The following CNTNAP2 variants were observed in gnomAD, a reference collection of about 807,000 sequenced individuals.
CNTNAP2 encodes contactin-associated protein-like 2.
Under a neutral mutation model 155.2 loss-of-function variants are expected in CNTNAP2, and 98 were observed. That is an observed-to-expected ratio of 0.63 (90% CI 0.54 to 0.75). The LOEUF (loss-of-function observed/expected upper bound fraction) is 0.75, where lower values mean the gene tolerates loss of function less well. Among genes scored for constraint, CNTNAP2 ranks in the 30% least tolerant of loss-of-function variants. CNTNAP2 has a pLI of 0.00. For synonymous variants in CNTNAP2, 651 were observed against 631.2 expected (o/e 1.03, Z -0.47); for missense variants, 1,727 against 1,688.1 (o/e 1.02, Z -0.40).
intron 1 of CNTNAP2, among the ~76,000 whole-genome samples, chr7:146,611,505 G>T (rs917508595): frequency 2.0e-5 from 3 of 152,084 alleles, no homozygotes; most frequent in Non-Finnish European, 4.4e-5. Context: ...TATAAAATTT[G>T]CTGCCTTTTC....
At chr7:147,346,148 A>ATT (rs1190332134) in intron 9 of CNTNAP2, among the ~76,000 whole-genome samples, 13 of 21,886 alleles carry the variant, frequency 5.9e-4, no homozygotes, top group African/African-American at 4.3e-3. Context: ...ATTTTATTTT[A>ATT]TTTTATTTTT....
intron 20 of CNTNAP2, among the ~76,000 whole-genome samples, chr7:148,262,546 C>G (rs895307860): frequency 6.6e-6 from 1 of 152,096 alleles, no homozygotes; most frequent in African/African-American, 2.4e-5. Flanking sequence ...CTAAGAGTCT[C>G]CTGCGTTCCT....
intron 8 of CNTNAP2, among the ~76,000 whole-genome samples, chr7:147,136,834 C>G (rs147194186): frequency 1.7e-4 from 26 of 151,920 alleles, no homozygotes; most frequent in Middle Eastern, 3.4e-3. Flanking sequence ...TAGTTGTTTA[C>G]TGAAAATTTT....
chr7:147,973,091 C>T (rs979215212), intron 14 of CNTNAP2, among the ~76,000 whole-genome samples: 1 of 148,452 alleles, frequency 6.7e-6, no homozygotes, highest in Non-Finnish European at 1.5e-5. Context: ...CAGGTTGAGC[C>T]TACAGTGAGC....
intron 1 of CNTNAP2, among the ~76,000 whole-genome samples, chr7:146,561,185 G>A (rs1461202351): frequency 1.3e-5 from 2 of 152,058 alleles, no homozygotes; most frequent in East Asian, 3.9e-4. Context: ...ATAGAAAATT[G>A]TGTAGAAGAC....
chr7:146,471,945 T>C (rs1218856164), intron 1 of CNTNAP2, among the ~76,000 whole-genome samples: 1 of 152,186 alleles, frequency 6.6e-6, no homozygotes, highest in African/African-American at 2.4e-5. Context: ...TTCTGTCAGT[T>C]TCCCAGATTT....
intron 21 of CNTNAP2, among the ~76,000 whole-genome samples, chr7:148,322,008 A>T (rs968818694): frequency 1.3e-5 from 2 of 151,102 alleles, no homozygotes; most frequent in African/African-American, 4.9e-5. Context: ...GGTTCAAGAG[A>T]TTCTCATGCC....
At chr7:146,243,998 T>C (rs1799604470) in intron 1 of CNTNAP2, among the ~76,000 whole-genome samples, 1 of 151,956 alleles carries the variant, frequency 6.6e-6, no homozygotes, top group Non-Finnish European at 1.5e-5. Flanking sequence ...AAGGAAGATT[T>C]TGTGGTAAGG....
intron 21 of CNTNAP2, among the ~76,000 whole-genome samples, chr7:148,358,398 A>T (rs1202597108): frequency 6.6e-6 from 1 of 152,170 alleles, no homozygotes; most frequent in African/African-American, 2.4e-5. Flanking sequence ...CAGACTGGAA[A>T]TGAGGCTGGC....
At chr7:147,603,659 T>A (rs1389986554) in intron 12 of CNTNAP2, among the ~76,000 whole-genome samples, 1 of 152,162 alleles carries the variant, frequency 6.6e-6, no homozygotes, top group Non-Finnish European at 1.5e-5. Flanking sequence ...AGCTAATTTA[T>A]AGATTCAATG....
intron 13 of CNTNAP2, among the ~76,000 whole-genome samples, chr7:147,890,777 A>G (rs1305107456): frequency 2.0e-5 from 3 of 152,114 alleles, no homozygotes; most frequent in Non-Finnish European, 2.9e-5. Flanking sequence ...TAGAGAGTTG[A>G]ATGGTGGTTA....
At chr7:147,028,875 T>A (rs1316442927) in intron 3 of CNTNAP2, among the ~76,000 whole-genome samples, 1 of 149,978 alleles carries the variant, frequency 6.7e-6, no homozygotes. Flanking sequence ...CCTTTAATAA[T>A]CCATAGAAGA....
chr7:146,218,820 A>G (rs1403286542), intron 1 of CNTNAP2, among the ~76,000 whole-genome samples: 1 of 152,188 alleles, frequency 6.6e-6, no homozygotes, highest in Non-Finnish European at 1.5e-5. Flanking sequence ...TCAGATATCC[A>G]CAGGGTGTAA....
chr7:147,196,739 T>C (rs1047863368), intron 8 of CNTNAP2, among the ~76,000 whole-genome samples: 2 of 152,146 alleles, frequency 1.3e-5, no homozygotes, highest in African/African-American at 4.8e-5. Context: ...TTTCCTGCAG[T>C]ATCACAAATT....
At chr7:147,506,905 T>C (rs1010189130) in intron 11 of CNTNAP2, among the ~76,000 whole-genome samples, 1 of 152,240 alleles carries the variant, frequency 6.6e-6, no homozygotes, top group Non-Finnish European at 1.5e-5. Context: ...CTCTGTCACT[T>C]ACTGTGGGTG....
In CNTNAP2 at chr7:146,426,406, TATAC is replaced by T. The variant is rs1385395006; in HGVS notation, c.97+309435_97+309438del. ...AAATGTATATATATATATATATATA[TATAC>T]ACACACACACATATACACACACATT... is the stretch of plus-strand genomic sequence containing the variant. On this transcript the variant is annotated intron_variant, in intron 1 of 23. Coordinates refer to ENST00000361727, the MANE Select transcript of CNTNAP2 (RefSeq NM_014141.6). 2.5e-3 allele frequency among the ~76,000 whole-genome samples: 336 copies of T among 136,584 alleles called. 3 individuals carry two copies. The highest frequency in any genetic ancestry group is 9.5e-3 in the African/African-American group (311 of 32,714). 89.6% of individuals were successfully genotyped at this position (136,584 alleles called of 152,430 possible).
chr7:147,215,381 A>C (rs1255110632), intron 8 of CNTNAP2, among the ~76,000 whole-genome samples: 1 of 152,200 alleles, frequency 6.6e-6, no homozygotes, highest in African/African-American at 2.4e-5. Flanking sequence ...AACCTCTGGC[A>C]ACAATTGAAC....
chr7:146,302,599 G>T (rs1013879802), intron 1 of CNTNAP2, among the ~76,000 whole-genome samples: 1 of 152,070 alleles, frequency 6.6e-6, no homozygotes, highest in Admixed American at 6.5e-5. Flanking sequence ...TATCTAAAAC[G>T]TGTTGGAGTT....
At chr7:147,908,968 T>A (rs1800014071) in intron 14 of CNTNAP2, among the ~76,000 whole-genome samples, 1 of 152,206 alleles carries the variant, frequency 6.6e-6, no homozygotes, top group Non-Finnish European at 1.5e-5. Flanking sequence ...ACTTCCCAAG[T>A]CATGTAAGGA....
Sources: allele counts gnomAD v4.1 joint callset (sites outside exome capture counted in the v4.1 genomes callset), GRCh38; gene constraint gnomAD v4.1.1; transcripts MANE v1.5; gene names NCBI Gene and HGNC (gene_info 2026-07-23, HGNC 2026-07-21).